GALNT17: variants seen among roughly 807,000 people sequenced by gnomAD.
GALNT17 encodes the protein polypeptide N-acetylgalactosaminyltransferase 17.
A neutral mutation model predicts 63.7 loss-of-function variants in GALNT17; 29 were observed. That is an observed-to-expected ratio of 0.46 (90% CI 0.34 to 0.62). The LOEUF (loss-of-function observed/expected upper bound fraction) is 0.62, where lower values mean the gene tolerates loss of function less well. GALNT17 is among the 20% of genes least tolerant of loss of function. The pLI is 0.01. For synonymous variants in GALNT17, 305 were observed against 318.3 expected (o/e 0.96, Z 0.45); for missense variants, 603 against 799.6 (o/e 0.75, Z 2.97).
chr7:71,563,421 G>C (rs1260005810), intron 5 of GALNT17, among the ~76,000 whole-genome samples: 4 of 152,144 alleles, frequency 2.6e-5, no homozygotes, highest in South Asian at 2.1e-4. Flanking sequence ...TGCCAGATGG[G>C]ATGGGTGGTA....
chr7:71,591,351 G>A (rs939287527), intron 6 of GALNT17, among the ~76,000 whole-genome samples: 5 of 151,976 alleles, frequency 3.3e-5, no homozygotes, highest in South Asian at 2.1e-4. Flanking sequence ...CCACCACCAC[G>A]CCTGGCTCTA....
chr7:71,651,220 CAAAAAAAAA>C (rs71089971), intron 6 of GALNT17, among the ~76,000 whole-genome samples: 1 of 67,614 alleles, frequency 1.5e-5, no homozygotes, highest in Non-Finnish European at 2.5e-5. Flanking sequence ...GATGGGAGCA[CAAAAAAAAA>C]AAAAAAAAAA....
intron 5 of GALNT17, among the ~76,000 whole-genome samples, chr7:71,500,092 A>G (rs1248785694): frequency 6.6e-6 from 1 of 152,184 alleles, no homozygotes; most frequent in East Asian, 1.9e-4. Context: ...TAAATTACCC[A>G]GTCTCAGGCA....
At chr7:71,445,581 G>A (rs1787147698) in intron 5 of GALNT17, among the ~76,000 whole-genome samples, 1 of 152,120 alleles carries the variant, frequency 6.6e-6, no homozygotes, top group Admixed American at 6.5e-5. Flanking sequence ...GCTGGTTCCA[G>A]ACAACTAGGT....
chr7:71,199,534 CCA>C (rs1789123564), intron 1 of GALNT17, among the ~76,000 whole-genome samples: 1 of 136,848 alleles, frequency 7.3e-6, no homozygotes, highest in Admixed American at 7.1e-5. Context: ...ATCCATCCAT[CCA>C]TCCATCCATC....
rs2116328537 is a variant in GALNT17, at chr7:71,384,185, T to A, written c.423-4050T>A. Among the ~76,000 whole-genome samples the A allele has an allele frequency of 2.0e-5, 3 of 152,348 alleles. No homozygotes were observed. The Middle Eastern group carries it at 0.01, about 518-fold the overall frequency. On this transcript the variant is annotated intron_variant, in intron 2 of 10. Coordinates refer to ENST00000333538, the MANE Select transcript of GALNT17 (RefSeq NM_022479.3). ...CCATCTTAATGGATGTGACGTGGTA[T>A]CTCAGTGTAGTGTTGATTTGCATTT... is the stretch of plus-strand genomic sequence containing the variant.
At chr7:71,471,057 T>A (rs949743370) in intron 5 of GALNT17, among the ~76,000 whole-genome samples, 2 of 151,884 alleles carry the variant, frequency 1.3e-5, no homozygotes, top group African/African-American at 2.4e-5. Context: ...GAGCTCAGCA[T>A]TTTTTTTCCT....
chr7:71,549,094 T>A (rs1040833039), intron 5 of GALNT17, among the ~76,000 whole-genome samples: 4 of 152,156 alleles, frequency 2.6e-5, no homozygotes, highest in Non-Finnish European at 4.4e-5. Flanking sequence ...GCTGTGATCT[T>A]CAGGAGGGAA....
intron 5 of GALNT17, among the ~76,000 whole-genome samples, chr7:71,540,035 C>G (rs902166528): frequency 7.0e-6 from 1 of 143,014 alleles, no homozygotes; most frequent in Non-Finnish European, 1.5e-5. Context: ...CTCAATCAGT[C>G]TTCCTGCCTC....
Position 71,252,328 on chromosome 7 carries a change from C to A in GALNT17, c.239-83222C>A, listed in dbSNP as rs550078536. On this transcript the variant is annotated intron_variant, in intron 1 of 10. Coordinates refer to ENST00000333538, the MANE Select transcript of GALNT17 (RefSeq NM_022479.3). Reference sequence around the variant, plus strand: ...GATCACAAGGACAGGAGTTTGAGACCAGCCTGGCCAACATGATGAAACCCT... The same window carrying A: ...GATCACAAGGACAGGAGTTTGAGACAAGCCTGGCCAACATGATGAAACCCT... Among the ~76,000 whole-genome samples the A allele has an allele frequency of 3.2e-4, 49 of 151,650 alleles. No homozygotes were observed. The South Asian group carries it at 0.01, about 32-fold the overall frequency.
chr7:71,369,567 C>G (rs924914584), intron 2 of GALNT17, among the ~76,000 whole-genome samples: 5 of 152,044 alleles, frequency 3.3e-5, no homozygotes, highest in East Asian at 1.9e-4. Context: ...AATCCCAGCA[C>G]TTTGGGAGGC....
chr7:71,388,692 A>T (rs1016931852), intron 3 of GALNT17, among the ~76,000 whole-genome samples: 4 of 151,630 alleles, frequency 2.6e-5, no homozygotes, highest in African/African-American at 9.7e-5. Flanking sequence ...ACGCCTGGCT[A>T]ATTTTTGTAT....
chr7:71,639,019 T>C (rs774827633), intron 6 of GALNT17, among the ~76,000 whole-genome samples: 10 of 152,154 alleles, frequency 6.6e-5, no homozygotes, highest in Admixed American at 6.6e-5. Context: ...GACCTACTAT[T>C]GGATAGCACG....
chr7:71,698,357 A>G (rs1198471734), intron 9 of GALNT17, among the ~76,000 whole-genome samples: 1 of 152,174 alleles, frequency 6.6e-6, no homozygotes, highest in African/African-American at 2.4e-5. Flanking sequence ...AAATTTATAA[A>G]CACATAAATC....
At chr7:71,196,784 G>T (rs1199916528) in intron 1 of GALNT17, among the ~76,000 whole-genome samples, 2 of 152,074 alleles carry the variant, frequency 1.3e-5, no homozygotes, top group African/African-American at 4.8e-5. Context: ...CTCCTGAGTA[G>T]CTGGGACTAC....
At chr7:71,579,375 C>G (rs1041135346) in intron 6 of GALNT17, among the ~76,000 whole-genome samples, 1 of 152,154 alleles carries the variant, frequency 6.6e-6, no homozygotes, top group Non-Finnish European at 1.5e-5. Flanking sequence ...CTACCACAGT[C>G]AATACATGGG....
chr7:71,326,856 C>A (rs144754324), intron 1 of GALNT17, among the ~76,000 whole-genome samples: 161 of 152,266 alleles, frequency 1.1e-3, no homozygotes, highest in Non-Finnish European at 2.1e-3. Context: ...ATTGCCACAC[C>A]AAAGGGCTCT....
intron 1 of GALNT17, among the ~76,000 whole-genome samples, chr7:71,209,914 T>A (rs1350046482): frequency 6.7e-6 from 1 of 148,700 alleles, no homozygotes; most frequent in Non-Finnish European, 1.5e-5. Flanking sequence ...GTTGTGATAT[T>A]TATTTATTTA....
chr7:71,434,510 G>T (rs1013591293), intron 5 of GALNT17, among the ~76,000 whole-genome samples: 1 of 152,178 alleles, frequency 6.6e-6, no homozygotes, highest in Non-Finnish European at 1.5e-5. Context: ...GTGAATGCTG[G>T]CACATTTCAG....
Sources: gnomAD v4.1 joint callset for allele counts (sites outside exome capture counted in the v4.1 genomes callset) on GRCh38, gnomAD v4.1.1 for gene constraint, MANE v1.5 for transcripts, NCBI Gene and HGNC (gene_info 2026-07-23, HGNC 2026-07-21) for gene names.